Variants in CEP112 observed in about 807,000 individuals in gnomAD.
CEP112 encodes centrosomal protein of 112 kDa.
Under a neutral mutation model 153.0 loss-of-function variants are expected in CEP112, and 127 were observed. That is an observed-to-expected ratio of 0.83 (90% CI 0.72 to 0.96). The LOEUF (loss-of-function observed/expected upper bound fraction) is 0.96. Among genes scored for constraint, CEP112 ranks in the 40% least tolerant of loss-of-function variants. CEP112 has a pLI of 0.00. For missense variants in CEP112, 1,089 were observed against 1,101.2 expected, an observed-to-expected ratio of 0.99 and a Z score of 0.16; for synonymous variants, 358 against 374.4, an observed-to-expected ratio of 0.96 and a Z score of 0.51.
chr17:66,091,269 TTCAGCATAGA>T, intron 8 of CEP112, among the ~76,000 whole-genome samples: 1 of 152,242 alleles, frequency 6.6e-6, no homozygotes, highest in Non-Finnish European at 1.5e-5. Context: ...TGAAATATTC[TTCAGCATAGA>T]TCATATGTTA....
intron 20 of CEP112, among the ~76,000 whole-genome samples, chr17:65,867,152 A>G (rs1331647904): frequency 6.6e-6 from 1 of 152,322 alleles, no homozygotes; most frequent in African/African-American, 2.4e-5. Flanking sequence ...CAGCCATGGC[A>G]GCTGCTTATG....
At chr17:65,711,493 C>T (rs1431607636) in intron 23 of CEP112, among the ~76,000 whole-genome samples, 1 of 152,142 alleles carries the variant, frequency 6.6e-6, no homozygotes, top group African/African-American at 2.4e-5. Flanking sequence ...TTTATCACAA[C>T]TGGGGAATAA....
At chr17:65,795,487 A>C (rs551378356) in intron 21 of CEP112, among the ~76,000 whole-genome samples, 1 of 152,324 alleles carries the variant, frequency 6.6e-6, no homozygotes, top group East Asian at 1.9e-4. Flanking sequence ...CTGGTTTCTT[A>C]CAAGTACTAT....
At chr17:66,178,682 T>C (rs2072591104) in intron 2 of CEP112, among the ~76,000 whole-genome samples, 2 of 152,068 alleles carry the variant, frequency 1.3e-5, no homozygotes, top group African/African-American at 4.8e-5. Context: ...GCAGTTTCCT[T>C]GTTTGAGGTC....
intron 12 of CEP112, among the ~76,000 whole-genome samples, chr17:66,053,397 G>A (rs2066527484): frequency 6.6e-6 from 1 of 152,048 alleles, no homozygotes; most frequent in Admixed American, 6.5e-5. Flanking sequence ...CTACTCAGGA[G>A]GATAGTTTGA....
chr17:65,896,882 C>G (rs1047752395), intron 20 of CEP112, among the ~76,000 whole-genome samples: 2 of 152,048 alleles, frequency 1.3e-5, no homozygotes, highest in Admixed American at 1.3e-4. Flanking sequence ...TGTGGTTTTA[C>G]CAGGAGTCCA....
chr17:66,008,500 T>C (rs1384570687), intron 16 of CEP112, among the ~76,000 whole-genome samples: 1 of 152,070 alleles, frequency 6.6e-6, no homozygotes, highest in Non-Finnish European at 1.5e-5. Flanking sequence ...ACTACAGGCA[T>C]GCACCACCAC....
intron 24 of CEP112, among the ~76,000 whole-genome samples, chr17:65,647,291 A>G (rs1401843459): frequency 6.7e-6 from 1 of 149,264 alleles, no homozygotes; most frequent in Non-Finnish European, 1.5e-5. Context: ...CTCCTGCCTC[A>G]GCCTCCCGAG....
chr17:65,770,732 T>C (rs538041813), intron 21 of CEP112, among the ~76,000 whole-genome samples: 43 of 152,214 alleles, frequency 2.8e-4, no homozygotes, highest in African/African-American at 1.0e-3. Context: ...ACTTACATTT[T>C]ATATGATCTG....
intron 21 of CEP112, among the ~76,000 whole-genome samples, chr17:65,752,667 T>C (rs1289977145): frequency 1.3e-5 from 2 of 152,146 alleles, no homozygotes; most frequent in African/African-American, 4.8e-5. Context: ...CTTCACCCCA[T>C]ACCCAGTCTC....
intron 23 of CEP112, among the ~76,000 whole-genome samples, chr17:65,696,570 T>G (rs148813118): frequency 6.6e-4 from 100 of 152,268 alleles, no homozygotes; most frequent in African/African-American, 2.4e-3. Flanking sequence ...AGGAACCAGA[T>G]GAACCTCCGC....
chr17:65,784,032 C>A (rs576241087), intron 21 of CEP112, among the ~76,000 whole-genome samples: 2 of 152,228 alleles, frequency 1.3e-5, no homozygotes, highest in East Asian at 1.9e-4. Flanking sequence ...TGAGGTTTAG[C>A]AATGTAGGAG....
intron 23 of CEP112, among the ~76,000 whole-genome samples, chr17:65,696,440 T>G (rs2048359915): frequency 6.6e-6 from 1 of 152,068 alleles, no homozygotes; most frequent in Non-Finnish European, 1.5e-5. Context: ...ATAAACTGGA[T>G]TGAATCATAT....
intron 20 of CEP112, among the ~76,000 whole-genome samples, chr17:65,860,571 A>G (rs931055612): frequency 6.6e-6 from 1 of 152,184 alleles, no homozygotes; most frequent in Non-Finnish European, 1.5e-5. Flanking sequence ...GACCAATGAA[A>G]CAGAATTGAG....
At chr17:65,846,702 G>A (rs1229480709) in intron 21 of CEP112, among the ~76,000 whole-genome samples, 1 of 152,174 alleles carries the variant, frequency 6.6e-6, no homozygotes, top group Non-Finnish European at 1.5e-5. Flanking sequence ...CCGAGTAGCT[G>A]GGACTACAGG....
At chr17:65,918,826 C>T (rs553632264) in intron 19 of CEP112, among the ~76,000 whole-genome samples, 1 of 152,342 alleles carries the variant, frequency 6.6e-6, no homozygotes, top group South Asian at 2.1e-4. Flanking sequence ...CACATCTGCA[C>T]ACTTTATGCC....
chr17:65,783,545 C>T (rs1310933585), intron 21 of CEP112, among the ~76,000 whole-genome samples: 1 of 152,158 alleles, frequency 6.6e-6, no homozygotes, highest in Non-Finnish European at 1.5e-5. Context: ...TTCAAATGTA[C>T]ATCAACCAAT....
At chr17:65,703,864 C>A (rs1193332204) in intron 23 of CEP112, among the ~76,000 whole-genome samples, 1 of 150,958 alleles carries the variant, frequency 6.6e-6, no homozygotes, top group Non-Finnish European at 1.5e-5. Context: ...ATTCAACAGT[C>A]ATAATGATTC....
intron 9 of CEP112, 140 bp downstream of exon 9, chr17:66,069,775 C>A: frequency 2.0e-6 from 1 of 506,430 alleles, no homozygotes; most frequent in Non-Finnish European, 3.4e-6. Context: ...TAGCATATTC[C>A]ACTTATAACA....
Sources: allele counts gnomAD v4.1 joint callset (sites outside exome capture counted in the v4.1 genomes callset), GRCh38; gene constraint gnomAD v4.1.1; transcripts MANE v1.5; gene names NCBI Gene and HGNC (gene_info 2026-07-23, HGNC 2026-07-21).